The following MARF1 variants were observed in gnomAD, a reference collection of about 807,000 sequenced individuals.
MARF1 encodes meiosis regulator and mRNA stability factor 1.
MARF1 carries 24 observed loss-of-function variants against 168.2 expected under a neutral mutation model. That is an observed-to-expected ratio of 0.14 (90% CI 0.10 to 0.20). MARF1 has a LOEUF of 0.20. Ranked by LOEUF, MARF1 falls within the 10% of genes least tolerant of loss-of-function variation. The pLI, the probability that MARF1 is intolerant of heterozygous loss-of-function variation, is 1.00. For synonymous variants in MARF1, 868 were observed against 822.4 expected, an observed-to-expected ratio of 1.06 and a Z score of -0.95; for missense variants, 1,744 against 2,143.6, an observed-to-expected ratio of 0.81 and a Z score of 3.68.
chr16:15,617,770 C>A (rs539304039), intron 13 of MARF1, among the ~76,000 whole-genome samples: 1 of 152,290 alleles, frequency 6.6e-6, no homozygotes, highest in African/African-American at 2.4e-5. Flanking sequence ...AAAGCCACCC[C>A]CAGCCCCTGC....
At position 15,595,549 on chromosome 16, in the gene MARF1, A is replaced by G. The variant is rs2031596220; in HGVS notation, c.*1144T>C. The stretch of plus-strand genomic sequence containing the variant: ...CCTCAGGCACCTAGAGAGGAAGGCC[A>G]TTCCACACCAGACGCCACAAGAAAC... On this transcript the variant is annotated 3_prime_UTR_variant, in exon 27 of 27. Transcript: ENST00000396368. The G allele has an allele frequency of 6.5e-6, 1 of 152,704 alleles. No individual in the cohort carries two copies. The highest frequency in any genetic ancestry group is 2.4e-5 in the African/African-American group (1 of 41,456). The allele number at this position is 152,704 out of a possible 1,614,324, so 9.5% of individuals were successfully genotyped here.
intron 7 of MARF1, among the ~76,000 whole-genome samples, chr16:15,628,833 T>A (rs1415826123): frequency 6.6e-6 from 1 of 152,162 alleles, no homozygotes; most frequent in Non-Finnish European, 1.5e-5. Flanking sequence ...GCAGTACCAA[T>A]GTATGTTTAA....
chr16:15,615,659 C>A (rs1211057853), intron 16 of MARF1, among the ~76,000 whole-genome samples, 171 bp downstream of exon 16: 3 of 152,072 alleles, frequency 2.0e-5, no homozygotes, highest in African/African-American at 7.2e-5. Flanking sequence ...AAACAAAGTC[C>A]AGTAACGCCA....
Position 15,595,991 on chromosome 16 carries a change from A to T in MARF1, c.*702T>A, listed in dbSNP as rs954697873. The T allele has an allele frequency of 1.3e-5, 2 of 152,652 alleles. No homozygotes were observed. Among genetic ancestry groups the T allele is most frequent in the African/African-American group, 4.8e-5 (2 of 41,460 alleles). 9.5% of individuals were successfully genotyped at this position (152,652 alleles called of 1,614,324 possible). On this transcript the variant is annotated 3_prime_UTR_variant, in exon 27 of 27. Transcript: ENST00000396368. ...AACTGGAACACAGAAGGGAAGCTTC[A>T]AACATCCTCAACTTTCTAGAAAGCT...
intron 1 of MARF1, among the ~76,000 whole-genome samples, chr16:15,642,206 C>A (rs2036036426): frequency 6.6e-6 from 1 of 152,168 alleles, no homozygotes; most frequent in South Asian, 2.1e-4. Flanking sequence ...CACCCCATCC[C>A]ATTACCGTTT....
At chr16:15,611,278 G>A (rs1311818236) in intron 18 of MARF1, among the ~76,000 whole-genome samples, 170 bp from the exon 19 acceptor site, 1 of 152,006 alleles carries the variant, frequency 6.6e-6, no homozygotes, top group Non-Finnish European at 1.5e-5. Flanking sequence ...CTAACATGGT[G>A]AAACCCCGTC....
chr16:15,625,269 A>G (rs2034766556), intron 8 of MARF1, 96 bp from the exon 9 acceptor site: 1 of 1,552,782 alleles, frequency 6.4e-7, no homozygotes, highest in Non-Finnish European at 8.7e-7. Flanking sequence ...ATCATCAAAC[A>G]CTGAAATCAA....
intron 18 of MARF1, 136 bp downstream of exon 18, chr16:15,611,446 CAAAAAAAAAA>C: frequency 4.8e-6 from 2 of 418,546 alleles, no homozygotes; most frequent in Admixed American, 5.4e-5. Context: ...GACTCCGTCT[CAAAAAAAAAA>C]AAAAAAAAAC....
intron 26 of MARF1, 87 bp downstream of exon 26, chr16:15,598,767 A>G: frequency 7.5e-7 from 1 of 1,330,520 alleles, no homozygotes; most frequent in African/African-American, 1.4e-5. Context: ...GTCCCTTCCC[A>G]CCTCCGTCAT....
rs1182140243 is a variant in MARF1 at position 15,636,312 on chromosome 16, C to G, written c.175G>C (p.Val59Leu). ...KEYMENKKVA[V>L]ELKDVPSPLH... ...GGTGATGGTACATCCTTTAGTTCCA[C>G]AGCAACTTTCTTGTTCTCCATGTAC... Residue 59 changes from valine (V) to leucine (L), a missense_variant, in exon 3 of 27, where the codon GTG becomes CTG. This residue lies in a region of MARF1 where 318 missense variants were observed against 336.6 expected (regional missense o/e 0.94). Transcript: ENST00000396368. The G allele has an allele frequency of 6.4e-7, 1 of 1,570,678 alleles. No homozygotes were observed. Among genetic ancestry groups the G allele is most frequent in the African/African-American group, 1.4e-5 (1 of 73,284 alleles).
intron 26 of MARF1, among the ~76,000 whole-genome samples, chr16:15,597,931 G>C (rs975582898): frequency 6.6e-6 from 1 of 151,996 alleles, no homozygotes; most frequent in Non-Finnish European, 1.5e-5. Flanking sequence ...TATTTTCCAA[G>C]TCAACAGCCT....
At chr16:15,597,668 G>C (rs958904443) in intron 26 of MARF1, among the ~76,000 whole-genome samples, 5 of 152,214 alleles carry the variant, frequency 3.3e-5, no homozygotes, top group African/African-American at 9.7e-5. Context: ...AGCAGAGCCA[G>C]CTCCCTGCCT....
In MARF1 at chr16:15,611,515, A is replaced by G. The variant is rs902639651; in HGVS notation, c.3617+77T>C. 7 of 1,287,180 alleles carry G rather than the reference A, an allele frequency of 5.4e-6. No homozygotes were observed. The South Asian group carries it at 7.2e-5, about 13-fold the overall frequency. 79.7% of individuals were successfully genotyped at this position (1,287,180 alleles called of 1,614,324 possible). Reference sequence around the variant, plus strand: ...AAAGAATGCTTAATAGAAATACTAGATAACTATTTAGAGTTTGGCAGAAGA... The same window carrying G: ...AAAGAATGCTTAATAGAAATACTAGGTAACTATTTAGAGTTTGGCAGAAGA... On this transcript the variant is annotated intron_variant, in intron 18 of 26. Coordinates refer to ENST00000396368, the MANE Select transcript of MARF1 (RefSeq NM_014647.4).
At chr16:15,625,939 T>C (rs778586437) in intron 7 of MARF1, 139 bp from the exon 8 acceptor site, 3 of 658,272 alleles carry the variant, frequency 4.6e-6, no homozygotes, top group Non-Finnish European at 5.2e-6. Context: ...TGGGAGAGGG[T>C]AAATTATTTA....
intron 2 of MARF1, among the ~76,000 whole-genome samples, chr16:15,637,365 T>C (rs1043094222): frequency 6.6e-5 from 10 of 152,212 alleles, no homozygotes; most frequent in Admixed American, 4.6e-4. Context: ...TGAGGGTCCA[T>C]CTGACGCCTA....
In MARF1 at chr16:15,631,474, T is replaced by C; in HGVS notation, c.1258A>G (p.Thr420Ala). ...TTATCATCAGCGGCATTCTTTGCAG[T>C]AGCATTGATGTGGGCAACGGTTACC... The part of the protein sequence containing the change: ...CQVTVAHINA[T>A]AKNAADDKLR... The change falls in exon 6 of 27, where the codon ACT becomes GCT. Residue 420 changes from threonine to alanine, a missense_variant. Physicochemically the swap from Thr to Ala is moderately conservative, Grantham distance 58 (BLOSUM62 0). Around this residue, in one of 7 missense-constraint regions of MARF1, gnomAD observed 217 missense variants for 372.4 expected, o/e 0.58. Coordinates refer to ENST00000396368, the MANE Select transcript of MARF1 (RefSeq NM_014647.4). 3 of 1,612,810 alleles carry C rather than the reference T, an allele frequency of 1.9e-6. No homozygotes were observed. Among genetic ancestry groups the C allele is most frequent in the Non-Finnish European group, 2.5e-6 (3 of 1,179,024 alleles).
intron 12 of MARF1, 64 bp from the exon 13 acceptor site, chr16:15,620,595 G>A: frequency 9.2e-7 from 1 of 1,091,946 alleles, no homozygotes; most frequent in African/African-American, 1.6e-5. Flanking sequence ...TATATAAACA[G>A]AGTTCATAAA....
At chr16:15,602,281 G>A (rs1056127781) in intron 22 of MARF1, 78 bp from the exon 23 acceptor site, 9 of 1,158,014 alleles carry the variant, frequency 7.8e-6, no homozygotes, top group South Asian at 3.8e-5. Flanking sequence ...CTCCCACTGA[G>A]GGAAAAGGCC....
At chr16:15,629,568 T>C (rs2035110133) in intron 7 of MARF1, among the ~76,000 whole-genome samples, 2 of 152,206 alleles carry the variant, frequency 1.3e-5, no homozygotes, top group African/African-American at 4.8e-5. Flanking sequence ...GTTATTAAAT[T>C]ATATGTGAAG....
Sources: allele counts gnomAD v4.1 joint callset (sites outside exome capture counted in the v4.1 genomes callset), GRCh38; gene constraint gnomAD v4.1.1; regional missense constraint gnomAD v4.1.1; transcripts MANE v1.5; gene names NCBI Gene and HGNC (gene_info 2026-07-23, HGNC 2026-07-21).